Variants in PRCC observed in about 807,000 individuals in gnomAD.
PRCC encodes proline rich mitotic checkpoint control factor.
A neutral mutation model predicts 44.0 loss-of-function variants in PRCC; 10 were observed. The observed-to-expected ratio is 0.23, with a 90% CI of 0.14 to 0.39. The LOEUF (loss-of-function observed/expected upper bound fraction) is 0.39, where lower values mean the gene tolerates loss of function less well. PRCC is among the 10% of genes least tolerant of loss of function. The probability of loss-of-function intolerance (pLI) is 1.00; values close to 1 mark genes in which losing one functional copy is unlikely to be tolerated. For synonymous variants in PRCC, 278 were observed against 259.5 expected, an observed-to-expected ratio of 1.07 and a Z score of -0.69; for missense variants, 573 against 624.7, an observed-to-expected ratio of 0.92 and a Z score of 0.88.
Position 156,767,952 on chromosome 1 carries a change from G to A in PRCC, c.181G>A (p.Ala61Thr). 1 of 1,582,900 alleles carries A rather than the reference G, an allele frequency of 6.3e-7. No homozygotes were observed. The highest frequency in any genetic ancestry group is 8.6e-7 in the Non-Finnish European group (1 of 1,164,508). Residue 61 changes from alanine (A) to threonine (T), a missense_variant, in exon 1 of 7, where the codon GCC (alanine) becomes ACC (threonine). Coordinates refer to ENST00000271526, the MANE Select transcript of PRCC (RefSeq NM_005973.5). ...LPPPPQMLAPAFPPPLLLPPP... is the reference protein window; with the variant it reads ...LPPPPQMLAPTFPPPLLLPPP... ...TCCGCCCCCTCAGATGCTGGCGCCA[G>A]CCTTTCCCCCGCCGCTGTTGCTTCC...
At chr1:156,770,050 C>T (rs1263349487) in intron 1 of PRCC, among the ~76,000 whole-genome samples, 2 of 152,002 alleles carry the variant, frequency 1.3e-5, no homozygotes, top group African/African-American at 4.8e-5. Flanking sequence ...CTGAATGAGA[C>T]AAATAAAAAC....
At chr1:156,771,529 A>T (rs1651632744) in intron 1 of PRCC, among the ~76,000 whole-genome samples, 1 of 152,148 alleles carries the variant, frequency 6.6e-6, no homozygotes, top group Admixed American at 6.5e-5. Context: ...TACACTAAGG[A>T]GAGGATTCAA....
rs57206380 is a variant in PRCC, at chr1:156,787,450, GATAT to G, written c.1083+321_1083+324del. On this transcript the variant is annotated intron_variant, in intron 3 of 6. Coordinates refer to ENST00000271526, the MANE Select transcript of PRCC (RefSeq NM_005973.5). Reference sequence around the variant, plus strand: ...ATAATATTTGTACATATTTGTGATTGATATATATATATATATATATATATATATA... The same window carrying G: ...ATAATATTTGTACATATTTGTGATTGATATATATATATATATATATATATA... Among the ~76,000 whole-genome samples, 82 of 124,862 alleles carry G rather than the reference GATAT, an allele frequency of 6.6e-4. 1 individual carries two copies. Among genetic ancestry groups the G allele is most frequent in the African/African-American group, 2.6e-3 (80 of 30,768 alleles). 81.9% of individuals were successfully genotyped at this position (124,862 alleles called of 152,430 possible). A position where few individuals can be genotyped will look rare whatever the true frequency, so the allele number is the denominator to read the frequency against.
intron 1 of PRCC, among the ~76,000 whole-genome samples, chr1:156,775,346 C>G (rs1247164819): frequency 6.6e-6 from 1 of 150,792 alleles, no homozygotes; most frequent in Non-Finnish European, 1.5e-5. Context: ...CCTCATTTTT[C>G]TTTCTTTTGT....
At chr1:156,794,953 A>G (rs1652607463) in intron 5 of PRCC, 145 bp downstream of exon 5, 7 of 977,260 alleles carry the variant, frequency 7.2e-6, no homozygotes, top group Non-Finnish European at 1.1e-5. Context: ...TGGAGTATGC[A>G]CTAAACCTCA....
At chr1:156,784,802 A>G (rs1252123043) in intron 2 of PRCC, among the ~76,000 whole-genome samples, 1 of 152,166 alleles carries the variant, frequency 6.6e-6, no homozygotes, top group Non-Finnish European at 1.5e-5. Context: ...CCTTAGCTCT[A>G]CAGTTAGGCC....
intron 3 of PRCC, among the ~76,000 whole-genome samples, chr1:156,787,940 T>G (rs1652333972): frequency 6.6e-6 from 1 of 152,158 alleles, no homozygotes; most frequent in African/African-American, 2.4e-5. Flanking sequence ...CAAGCAACTC[T>G]CCCACCTCAG....
At chr1:156,782,908 A>G (rs902010983) in intron 2 of PRCC, among the ~76,000 whole-genome samples, 1 of 151,842 alleles carries the variant, frequency 6.6e-6, no homozygotes, top group Non-Finnish European at 1.5e-5. Flanking sequence ...CAGACAATAT[A>G]TATATTTTTT....
rs67388360 is a variant in PRCC, at chr1:156,792,053, C to CTTTTTTTTTTTTTTTTTTTTTT, written c.1179+268_1179+289dup. On this transcript the variant is annotated intron_variant, in intron 4 of 6. Transcript: ENST00000271526. ...ACAGAGTCAGGGATCTAGTCCCCTT[C>CTTTTTTTTTTTTTTTTTTTTTT]TTTTTTTTTTTTTTTTTTTTTTTTT... Among the ~76,000 whole-genome samples, 81 of 58,448 alleles carry CTTTTTTTTTTTTTTTTTTTTTT rather than the reference C, an allele frequency of 1.4e-3. 11 individuals carry two copies. The highest frequency in any genetic ancestry group is 2.3e-3 in the Non-Finnish European group (72 of 30,748). 38.3% of individuals were successfully genotyped at this position (58,448 alleles called of 152,430 possible). A position where few individuals can be genotyped will look rare whatever the true frequency, so the allele number is the denominator to read the frequency against.
intron 2 of PRCC, among the ~76,000 whole-genome samples, chr1:156,783,196 C>T (rs555581040): frequency 2.0e-5 from 3 of 152,276 alleles, no homozygotes; most frequent in South Asian, 2.1e-4. Flanking sequence ...TGAGCCACCG[C>T]GCCTGGCCAG....
intron 5 of PRCC, 96 bp downstream of exon 5, chr1:156,794,904 G>T: frequency 6.7e-7 from 1 of 1,483,898 alleles, no homozygotes; most frequent in Non-Finnish European, 9.2e-7. Context: ...CATTGTTATT[G>T]TCACAGCACC....
intron 1 of PRCC, among the ~76,000 whole-genome samples, chr1:156,777,750 G>T (rs985783918): frequency 5.3e-5 from 8 of 152,168 alleles, no homozygotes; most frequent in African/African-American, 1.9e-4. Flanking sequence ...AAGGAGCAAG[G>T]TGAGAGTCAT....
At chr1:156,772,354 G>A (rs1307266448) in intron 1 of PRCC, among the ~76,000 whole-genome samples, 1 of 152,198 alleles carries the variant, frequency 6.6e-6, no homozygotes, top group African/African-American at 2.4e-5. Context: ...ATCATCTGCA[G>A]TCAGCGTAGT....
chr1:156,779,114 ATATATATATATATATTTTTTTTTT>A (rs1651937068), intron 1 of PRCC, among the ~76,000 whole-genome samples: 1 of 17,266 alleles, frequency 5.8e-5, no homozygotes, highest in Non-Finnish European at 1.0e-4. Context: ...ATATATATAT[ATATATATATATATATTTTTTTTTT>A]TTTTTTTTTT....
chr1:156,768,336 C>T (rs1226951741), intron 1 of PRCC, 97 bp downstream of exon 1: 4 of 1,274,556 alleles, frequency 3.1e-6, no homozygotes, highest in African/African-American at 1.5e-5. Flanking sequence ...CCTACAAACG[C>T]ATCCGTGGAT....
intron 6 of PRCC, among the ~76,000 whole-genome samples, chr1:156,799,511 G>C (rs1258662810): frequency 6.6e-6 from 1 of 152,080 alleles, no homozygotes; most frequent in Non-Finnish European, 1.5e-5. Context: ...CCCTTTCCTG[G>C]GAAGTGTACA....
At chr1:156,799,598 T>G (rs911976101) in intron 6 of PRCC, among the ~76,000 whole-genome samples, 2 of 152,188 alleles carry the variant, frequency 1.3e-5, no homozygotes, top group Admixed American at 1.3e-4. Context: ...AGGAACTCCT[T>G]TGTACTCTTT....
chr1:156,800,242 A>G (rs1175072452), intron 6 of PRCC, 132 bp from the exon 7 acceptor site: 6 of 741,408 alleles, frequency 8.1e-6, no homozygotes, highest in Non-Finnish European at 1.1e-5. Context: ...TAAGTCTTTC[A>G]AGGGGTTTGC....
rs1460151900 is a variant in PRCC at position 156,786,761 on chromosome 1, A to T, written c.670A>T (p.Thr224Ser). Residue 224 changes from threonine (T) to serine (S), a missense_variant, in exon 3 of 7, where the codon ACC becomes TCC. Physicochemically the swap from Thr to Ser is moderately conservative, Grantham distance 58 (BLOSUM62 1). Around this residue, in one of 4 missense-constraint regions of PRCC, gnomAD observed 118 missense variants for 166.7 expected, o/e 0.71. Transcript: ENST00000271526. ...TAAGCCCTCCAGACTGGCTTCTAAG[A>T]CCAAGACTTCCTCTCTTGCCCCTGT... ...DTKPSRLASK[T>S]KTSSLAPVVG... 3 of 1,614,138 alleles carry T rather than the reference A, an allele frequency of 1.9e-6. No homozygotes were observed. The highest frequency in any genetic ancestry group is 2.5e-6 in the Non-Finnish European group (3 of 1,180,014).
Sources: allele counts gnomAD v4.1 joint callset (sites outside exome capture counted in the v4.1 genomes callset), GRCh38; gene constraint gnomAD v4.1.1; regional missense constraint gnomAD v4.1.1; transcripts MANE v1.5; gene names NCBI Gene and HGNC (gene_info 2026-07-23, HGNC 2026-07-21).